Variants in ATG4C observed in about 807,000 individuals in gnomAD.
The protein encoded by ATG4C is cysteine protease ATG4C.
In ATG4C, 56 loss-of-function variants were observed where a neutral mutation model predicts 57.6. The observed-to-expected ratio is 0.97, with a 90% CI of 0.78 to 1.21. ATG4C has a LOEUF of 1.21. Among genes scored for constraint, ATG4C ranks in the 50% most tolerant of loss-of-function variants. The pLI, the probability that ATG4C is intolerant of heterozygous loss-of-function variation, is 0.00. For synonymous variants in ATG4C, 157 were observed against 174.1 expected, an observed-to-expected ratio of 0.90 and a Z score of 0.78; for missense variants, 595 against 529.8, an observed-to-expected ratio of 1.12 and a Z score of -1.21.
At chr1:62,839,576 C>G (rs756032522) in intron 9 of ATG4C, among the ~76,000 whole-genome samples, 11 of 152,152 alleles carry the variant, frequency 7.2e-5, no homozygotes, top group Non-Finnish European at 1.3e-4. Flanking sequence ...ATAAATATGA[C>G]TTAGAACTGT....
chr1:62,838,146 C>G (rs1279602407), intron 9 of ATG4C, among the ~76,000 whole-genome samples: 2 of 151,994 alleles, frequency 1.3e-5, no homozygotes, highest in African/African-American at 2.4e-5. Flanking sequence ...TTTGTAGGTG[C>G]CTAATAACTA....
chr1:62,855,264 A>G (rs1045274816), intron 10 of ATG4C, among the ~76,000 whole-genome samples: 2 of 151,816 alleles, frequency 1.3e-5, no homozygotes, highest in African/African-American at 4.8e-5. Flanking sequence ...CTCCTTCCTA[A>G]CTCACAAACT....
In ATG4C at chr1:62,803,094, G is replaced by A. The variant is rs75138428; in HGVS notation, c.-68-625G>A. Among the ~76,000 whole-genome samples, 1,273 of 152,226 alleles carry A rather than the reference G, an allele frequency of 8.4e-3. 37 individuals carry two copies. Among genetic ancestry groups the A allele is most frequent in the African/African-American group, 0.029 (1,190 of 41,558 alleles). ...TTTCCCTAAAGTCAGTAATAAAACA[G>A]ACACTTATGAGCTACATTTATTCTA... On this transcript the variant is annotated intron_variant, in intron 1 of 10. Coordinates refer to ENST00000317868, the MANE Select transcript of ATG4C (RefSeq NM_032852.4).
chr1:62,804,375 C>T (rs1664786491), intron 2 of ATG4C, among the ~76,000 whole-genome samples: 1 of 152,082 alleles, frequency 6.6e-6, no homozygotes, highest in East Asian at 1.9e-4. Context: ...CAGGCGTGAG[C>T]CACTGGGCCT....
At chr1:62,807,255 T>C (rs559174269) in intron 3 of ATG4C, among the ~76,000 whole-genome samples, 5 of 152,304 alleles carry the variant, frequency 3.3e-5, no homozygotes, top group Admixed American at 3.3e-4. Context: ...GGAACGTCTT[T>C]TGTTCTTATG....
intron 2 of ATG4C, 53 bp from the exon 3 acceptor site, chr1:62,805,119 C>A: frequency 6.7e-7 from 1 of 1,481,564 alleles, no homozygotes; most frequent in Non-Finnish European, 8.9e-7. Flanking sequence ...GACTTTTAGT[C>A]TGAAATCTTT....
intron 2 of ATG4C, among the ~76,000 whole-genome samples, chr1:62,804,089 C>CTT (rs71692941): frequency 1.4e-4 from 19 of 140,548 alleles, no homozygotes; most frequent in Non-Finnish European, 2.0e-4. Flanking sequence ...CTCCTTTTTT[C>CTT]TTTTTTTTTT....
chr1:62,824,354 A>G (rs1383247027), intron 6 of ATG4C, among the ~76,000 whole-genome samples: 1 of 152,230 alleles, frequency 6.6e-6, no homozygotes, highest in East Asian at 1.9e-4. Context: ...TCAATTGACT[A>G]TGGGAGATAG....
At chr1:62,841,128 T>G (rs1666153223) in intron 9 of ATG4C, among the ~76,000 whole-genome samples, 1 of 152,196 alleles carries the variant, frequency 6.6e-6, no homozygotes, top group South Asian at 2.1e-4. Context: ...TCATGTCTTT[T>G]TCATGTTTTC....
At chr1:62,816,296 A>G (rs1349301738) in intron 3 of ATG4C, among the ~76,000 whole-genome samples, 1 of 152,158 alleles carries the variant, frequency 6.6e-6, no homozygotes, top group Non-Finnish European at 1.5e-5. Context: ...TGTATAGAAT[A>G]TAGGATATTA....
At chr1:62,822,238 T>C (rs1339477732) in intron 6 of ATG4C, among the ~76,000 whole-genome samples, 1 of 152,152 alleles carries the variant, frequency 6.6e-6, no homozygotes, top group East Asian at 1.9e-4. Flanking sequence ...CCACCTAGTG[T>C]TTGTAGTGTG....
At chr1:62,826,562 A>ACCT (rs1665663466) in intron 6 of ATG4C, among the ~76,000 whole-genome samples, 1 of 150,334 alleles carries the variant, frequency 6.7e-6, no homozygotes, top group Admixed American at 6.6e-5. Context: ...TACAGTTACT[A>ACCT]CCTTTGTTCA....
At chr1:62,802,736 C>T (rs940703468) in intron 1 of ATG4C, among the ~76,000 whole-genome samples, 5 of 152,162 alleles carry the variant, frequency 3.3e-5, no homozygotes, top group African/African-American at 7.2e-5. Flanking sequence ...AGCCTCATCT[C>T]ATGCCACTTT....
At chr1:62,795,600 A>G (rs566318568) in intron 1 of ATG4C, among the ~76,000 whole-genome samples, 42 of 152,352 alleles carry the variant, frequency 2.8e-4, no homozygotes, top group Middle Eastern at 3.4e-3. Flanking sequence ...GCACAGAAAT[A>G]TGAAGATGGC....
intron 3 of ATG4C, among the ~76,000 whole-genome samples, chr1:62,815,490 T>C (rs1285791817): frequency 6.6e-6 from 1 of 152,178 alleles, no homozygotes; most frequent in African/African-American, 2.4e-5. Context: ...AGTAAATTAC[T>C]ATTATTTTGG....
At chr1:62,830,556 G>C (rs1665809910) in intron 7 of ATG4C, among the ~76,000 whole-genome samples, 1 of 152,042 alleles carries the variant, frequency 6.6e-6, no homozygotes, top group South Asian at 2.1e-4. Flanking sequence ...TTCATTAGAT[G>C]GTCTCACTGC....
intron 3 of ATG4C, among the ~76,000 whole-genome samples, chr1:62,806,646 A>ATTT (rs1664889252): frequency 2.6e-5 from 4 of 152,142 alleles, no homozygotes; most frequent in Non-Finnish European, 5.9e-5. Flanking sequence ...GGAAAGGAGA[A>ATTT]AGGTGTGGGA....
chr1:62,807,307 C>G (rs371177717), intron 3 of ATG4C, among the ~76,000 whole-genome samples: 5 of 152,098 alleles, frequency 3.3e-5, no homozygotes, highest in African/African-American at 1.2e-4. Context: ...TGGTAAAACT[C>G]TTAACAATTT....
intron 1 of ATG4C, among the ~76,000 whole-genome samples, chr1:62,796,080 C>G (rs952785036): frequency 5.9e-5 from 9 of 151,668 alleles, no homozygotes; most frequent in Non-Finnish European, 1.3e-4. Flanking sequence ...AGAAGACATC[C>G]TATTACAAAA....
Sources: allele counts gnomAD v4.1 joint callset (sites outside exome capture counted in the v4.1 genomes callset), GRCh38; gene constraint gnomAD v4.1.1; transcripts MANE v1.5; gene names NCBI Gene and HGNC (gene_info 2026-07-23, HGNC 2026-07-21).